Variants in BRAF observed in about 807,000 individuals in gnomAD.
BRAF encodes B-Raf proto-oncogene, serine/threonine kinase.
In BRAF, 16 loss-of-function variants were observed where a neutral mutation model predicts 104.6. That is an observed-to-expected ratio of 0.15 (90% CI 0.10 to 0.23). The LOEUF is 0.23. Among genes scored for constraint, BRAF ranks in the 10% least tolerant of loss-of-function variants. The pLI is 1.00. For synonymous variants in BRAF, 310 were observed against 341.6 expected (o/e 0.91, Z 1.02); for missense variants, 541 against 937.3 (o/e 0.58, Z 5.52).
At chr7:140,839,837 T>C (rs543701203) in intron 2 of BRAF, among the ~76,000 whole-genome samples, 12 of 152,296 alleles carry the variant, frequency 7.9e-5, no homozygotes, top group African/African-American at 2.9e-4. Flanking sequence ...GCTTAGACAA[T>C]CCTGAGTGGA....
In BRAF at chr7:140,835,010, C is replaced by T. The variant is rs544498266; in HGVS notation, c.241-138G>A. On this transcript the variant is annotated intron_variant, in intron 2 of 19. Transcript: ENST00000644969. ...AAGTTTCAAATTACAAAATAAGTGCCAGAAATACTATAAATGAATACTTTC... is the reference window on the plus strand; with the variant it reads ...AAGTTTCAAATTACAAAATAAGTGCTAGAAATACTATAAATGAATACTTTC... 1.0e-5 allele frequency: 9 copies of T among 890,852 alleles called. No individual in the cohort carries two copies. The South Asian group carries it at 1.3e-4, about 13-fold the overall frequency. The allele number at this position is 890,852 out of a possible 1,614,324, so 55.2% of individuals were successfully genotyped here.
intron 7 of BRAF, 158 bp downstream of exon 7, chr7:140,800,204 T>G: frequency 1.7e-6 from 2 of 1,159,986 alleles, no homozygotes; most frequent in Non-Finnish European, 2.5e-6. Context: ...TTTATTTGTA[T>G]CAAATGCATG....
At chr7:140,880,526 T>C (rs1812780290) in intron 1 of BRAF, among the ~76,000 whole-genome samples, 1 of 152,214 alleles carries the variant, frequency 6.6e-6, no homozygotes, top group Non-Finnish European at 1.5e-5. Context: ...CTCTCATGAA[T>C]CACAAACATT....
chr7:140,884,442 T>TGC (rs1813315348), intron 1 of BRAF, among the ~76,000 whole-genome samples: 2 of 144,198 alleles, frequency 1.4e-5, no homozygotes, highest in African/African-American at 5.3e-5. Flanking sequence ...TGTGTGTGTG[T>TGC]GTGTGTGTGT....
chr7:140,792,572 A>G (rs1212813750), intron 8 of BRAF, among the ~76,000 whole-genome samples: 1 of 152,120 alleles, frequency 6.6e-6, no homozygotes, highest in Non-Finnish European at 1.5e-5. Context: ...CTACTTATTC[A>G]CCATAATCTG....
At chr7:140,917,950 T>A (rs533472318) in intron 1 of BRAF, among the ~76,000 whole-genome samples, 20 of 152,344 alleles carry the variant, frequency 1.3e-4, no homozygotes, top group Non-Finnish European at 2.5e-4. Flanking sequence ...GCTACTACAG[T>A]ATTGTTGAGG....
At chr7:140,910,606 C>T (rs1490776897) in intron 1 of BRAF, among the ~76,000 whole-genome samples, 1 of 152,162 alleles carries the variant, frequency 6.6e-6, no homozygotes, top group East Asian at 1.9e-4. Flanking sequence ...TCCTTACCAT[C>T]CCCAGTTCTC....
chr7:140,839,292 T>C (rs76133030), intron 2 of BRAF, among the ~76,000 whole-genome samples: 3,914 of 152,280 alleles, frequency 0.026, 159 homozygotes, highest in African/African-American at 0.084. Flanking sequence ...CTGGGCAACA[T>C]AGACTCCATC....
In BRAF at chr7:140,719,465, T is replaced by C; in HGVS notation, c.*7029A>G. The C allele has an allele frequency of 9.8e-7, 1 of 1,017,792 alleles. No homozygotes were observed. Among genetic ancestry groups the C allele is most frequent in the South Asian group, 4.7e-5 (1 of 21,258 alleles). 63.0% of individuals were successfully genotyped at this position (1,017,792 alleles called of 1,614,324 possible). A position where few individuals can be genotyped will look rare whatever the true frequency, so the allele number is the denominator to read the frequency against. ...AGAAATAAATTTCTTCAATCTGAAT[T>C]TCAGCTATCTTTTTTTATTCTCCAT... On this transcript the variant is annotated 3_prime_UTR_variant, in exon 20 of 20. Coordinates refer to ENST00000644969, the MANE Select transcript of BRAF (RefSeq NM_001374258.1).
At chr7:140,792,342 A>T (rs1802069432) in intron 8 of BRAF, among the ~76,000 whole-genome samples, 1 of 152,162 alleles carries the variant, frequency 6.6e-6, no homozygotes, top group African/African-American at 2.4e-5. Flanking sequence ...CCCAATCAAA[A>T]TTCTTCAGAT....
At chr7:140,826,418 AT>A (rs2129057214) in intron 3 of BRAF, among the ~76,000 whole-genome samples, 1 of 152,192 alleles carries the variant, frequency 6.6e-6, no homozygotes, top group East Asian at 1.9e-4. Context: ...TAACATCGAA[AT>A]TTTCTTAGAT....
At chr7:140,749,093 A>G in intron 17 of BRAF, 194 bp downstream of exon 16, 1 of 591,406 alleles carries the variant, frequency 1.7e-6, no homozygotes, top group South Asian at 2.1e-5. Flanking sequence ...TGTAACATTC[A>G]TGACTGATAT....
chr7:140,778,158 TATC>T, intron 12 of BRAF, 83 bp from the exon 12 acceptor site: 1 of 1,192,102 alleles, frequency 8.4e-7, no homozygotes, highest in Non-Finnish European at 1.2e-6. Flanking sequence ...TTTCACTAAT[TATC>T]ATAGCCCTAA....
intron 1 of BRAF, among the ~76,000 whole-genome samples, chr7:140,922,565 C>CT (rs1229530372): frequency 2.0e-5 from 3 of 152,188 alleles, no homozygotes; most frequent in African/African-American, 7.2e-5. Context: ...TATTACTTCA[C>CT]TCATTGTTCC....
intron 1 of BRAF, among the ~76,000 whole-genome samples, chr7:140,918,836 T>C (rs960207812): frequency 6.6e-6 from 1 of 152,184 alleles, no homozygotes; most frequent in Non-Finnish European, 1.5e-5. Flanking sequence ...TATGCATTAG[T>C]GCAATTTGGA....
At chr7:140,737,397 CTT>C (rs1385305363) in intron 18 of BRAF, among the ~76,000 whole-genome samples, 5 of 152,270 alleles carry the variant, frequency 3.3e-5, no homozygotes, top group African/African-American at 1.2e-4. Context: ...ACTGTTGTGT[CTT>C]TGCATTTTAC....
chr7:140,849,029 G>A (rs1469739107), intron 2 of BRAF, among the ~76,000 whole-genome samples: 1 of 152,094 alleles, frequency 6.6e-6, no homozygotes, highest in Non-Finnish European at 1.5e-5. Context: ...AAAATCTCTG[G>A]TATTTGGAGC....
intron 1 of BRAF, among the ~76,000 whole-genome samples, chr7:140,892,217 C>G (rs1041119903): frequency 6.6e-6 from 1 of 152,006 alleles, no homozygotes; most frequent in Non-Finnish European, 1.5e-5. Context: ...GATTGTGCCA[C>G]TGCACTCCAG....
rs1795501809 is a variant in BRAF, at chr7:140,724,651, T to C, written c.*1843A>G. ...TATGTTAGCAAAAATCTAATGGTAG[T>C]GAGCTTTTAGTGGCTGCAATATAGA... On this transcript the variant is annotated 3_prime_UTR_variant, in exon 20 of 20. Coordinates refer to ENST00000644969, the MANE Select transcript of BRAF (RefSeq NM_001374258.1). 9.7e-7 allele frequency: 1 copy of C among 1,035,396 alleles called. No individual in the cohort carries two copies. The highest frequency in any genetic ancestry group is 1.2e-6 in the Non-Finnish European group (1 of 860,240). 64.1% of individuals were successfully genotyped at this position (1,035,396 alleles called of 1,614,324 possible). A position where few individuals can be genotyped will look rare whatever the true frequency, so the allele number is the denominator to read the frequency against.
Sources: gnomAD v4.1 joint callset for allele counts (sites outside exome capture counted in the v4.1 genomes callset) on GRCh38, gnomAD v4.1.1 for gene constraint, MANE v1.5 for transcripts, NCBI Gene and HGNC (gene_info 2026-07-23, HGNC 2026-07-21) for gene names.